SMCO4: variants seen among roughly 807,000 people sequenced by gnomAD.
SMCO4 encodes single-pass membrane protein with coiled-coil domains 4.
SMCO4 carries 4 observed loss-of-function variants against 3.6 expected under a neutral mutation model. The ratio of observed to expected loss-of-function variants is 1.11; its 90% confidence interval spans 0.54 to 2.53. The LOEUF (loss-of-function observed/expected upper bound fraction) is 2.53, where lower values mean the gene tolerates loss of function less well. Ranked by LOEUF, SMCO4 falls within the 30% of genes most tolerant of loss-of-function variation. The pLI is 0.02. For synonymous variants in SMCO4, 36 were observed against 35.3 expected (o/e 1.02, Z -0.07); for missense variants, 70 against 80.8 (o/e 0.87, Z 0.51).
chr11:93,533,190 C>A (rs1264572609), intron 1 of SMCO4, among the ~76,000 whole-genome samples: 1 of 152,214 alleles, frequency 6.6e-6, no homozygotes, highest in Non-Finnish European at 1.5e-5. Flanking sequence ...GCAGGAAAAA[C>A]TAACGACATA....
chr11:93,528,140 G>A (rs1487743666), intron 1 of SMCO4, among the ~76,000 whole-genome samples: 4 of 152,042 alleles, frequency 2.6e-5, no homozygotes, highest in Non-Finnish European at 5.9e-5. Flanking sequence ...CCTATAATAT[G>A]AAAATCCAGA....
intron 1 of SMCO4, among the ~76,000 whole-genome samples, chr11:93,516,754 C>T (rs907083685): frequency 6.6e-6 from 1 of 151,602 alleles, no homozygotes; most frequent in Non-Finnish European, 1.5e-5. Flanking sequence ...CGTGCCATTG[C>T]ACTCCAGCCT....
chr11:93,479,312 G>A, intron 2 of SMCO4, 43 bp from the exon 3 acceptor site: 1 of 1,422,448 alleles, frequency 7.0e-7, no homozygotes, highest in Non-Finnish European at 9.2e-7. Flanking sequence ...AAACCAAATA[G>A]AAGAAAAAAT....
At chr11:93,494,540 G>A (rs936126363) in intron 2 of SMCO4, among the ~76,000 whole-genome samples, 2 of 152,168 alleles carry the variant, frequency 1.3e-5, no homozygotes, top group Non-Finnish European at 2.9e-5. Context: ...TGCTCAGCAG[G>A]CACCTGGAAT....
chr11:93,490,613 G>T (rs531187793), intron 2 of SMCO4, among the ~76,000 whole-genome samples: 1 of 152,368 alleles, frequency 6.6e-6, no homozygotes, highest in South Asian at 2.1e-4. Flanking sequence ...AGTCAAGGCT[G>T]CCTCTCGCAG....
chr11:93,488,316 C>G (rs547845237), intron 2 of SMCO4, among the ~76,000 whole-genome samples: 1 of 152,280 alleles, frequency 6.6e-6, no homozygotes, highest in African/African-American at 2.4e-5. Context: ...GAGGGAGCAG[C>G]AGAGGGCAAG....
At chr11:93,498,350 A>C (rs1188013248) in intron 2 of SMCO4, among the ~76,000 whole-genome samples, 3 of 152,238 alleles carry the variant, frequency 2.0e-5, no homozygotes, top group Non-Finnish European at 4.4e-5. Flanking sequence ...AGGTGGGTTA[A>C]GACACAAAGT....
chr11:93,553,857 A>G, the SMCO4 span, among the ~76,000 whole-genome samples: 1 of 152,214 alleles, frequency 6.6e-6, no homozygotes, highest in African/African-American at 2.4e-5. Flanking sequence ...CAAGCCTCCT[A>G]GCCTTACCTT....
At chr11:93,496,232 G>A (rs910668282) in intron 2 of SMCO4, among the ~76,000 whole-genome samples, 1 of 152,174 alleles carries the variant, frequency 6.6e-6, no homozygotes, top group South Asian at 2.1e-4. Flanking sequence ...GGCAAAGGAC[G>A]ATGTTGGCTT....
Position 93,479,051 on chromosome 11 carries a change from C to A in SMCO4, c.139G>T (p.Val47Leu). The A allele has an allele frequency of 6.2e-7, 1 of 1,613,522 alleles. No homozygotes were observed. The highest frequency in any genetic ancestry group is 8.5e-7 in the Non-Finnish European group (1 of 1,179,910). ...TLAVVVLLIV[V>L]FVYVATRPTI... ...GGGCGCGTGGCCACGTACACAAACA[C>A]CACGATCAAGAGCACGACCACGGCC... Residue 47 changes from valine (V) to leucine (L), a missense_variant, in exon 3 of 3, where the codon GTG (valine) becomes TTG (leucine). Val to Leu is a conservative substitution (Grantham distance 32, BLOSUM62 1). Transcript: ENST00000298966.
intron 2 of SMCO4, among the ~76,000 whole-genome samples, chr11:93,487,072 G>A (rs1948658907): frequency 6.6e-6 from 1 of 152,170 alleles, no homozygotes; most frequent in African/African-American, 2.4e-5. Context: ...TATGCTTTAT[G>A]CTATAAGCCC....
At chr11:93,535,660 A>G in intron 1 of SMCO4, 2 of 1,607,904 alleles carry the variant, frequency 1.2e-6, no homozygotes, top group South Asian at 1.1e-5. Flanking sequence ...CGATGGGAAA[A>G]AGAAGATCAG....
intron 1 of SMCO4, among the ~76,000 whole-genome samples, chr11:93,512,521 AT>A (rs1293458169): frequency 1.3e-5 from 2 of 152,132 alleles, no homozygotes; most frequent in Non-Finnish European, 2.9e-5. Flanking sequence ...ACAGGTATAT[AT>A]TTTTCAAATC....
chr11:93,534,750 G>A lies in SMCO4; in HGVS notation c.-154+8526C>T, dbSNP rs189960860. ...GTGGTCCAGTAAGCCAGGGCTTTCC[G>A]AAGCCCACTGTGTCCACTGGACAGC... On this transcript the variant is annotated intron_variant, in intron 1 of 2. Coordinates refer to ENST00000298966, the MANE Select transcript of SMCO4 (RefSeq NM_020179.3). Among the ~76,000 whole-genome samples, 135 of 152,134 alleles carry A rather than the reference G, an allele frequency of 8.9e-4. 2 individuals carry two copies. The highest frequency in any genetic ancestry group is 2.7e-3 in the South Asian group (13 of 4,816).
At chr11:93,535,650 C>T (rs952991332) in intron 1 of SMCO4, 23 of 1,602,196 alleles carry the variant, frequency 1.4e-5, no homozygotes, top group African/African-American at 4.0e-5. Context: ...TAAGAGCTAC[C>T]GATGGGAAAA....
At chr11:93,552,854 T>C in the SMCO4 span, among the ~76,000 whole-genome samples, 1 of 152,168 alleles carries the variant, frequency 6.6e-6, no homozygotes, top group African/African-American at 2.4e-5. Flanking sequence ...TTTGTAATAG[T>C]GCCTCAAATT....
At chr11:93,521,093 C>T (rs890939173) in intron 1 of SMCO4, among the ~76,000 whole-genome samples, 1 of 152,246 alleles carries the variant, frequency 6.6e-6, no homozygotes, top group African/African-American at 2.4e-5. Flanking sequence ...TCAGATTCCA[C>T]ATGCAGCCAT....
At position 93,478,513 on chromosome 11, in the gene SMCO4, A is replaced by G. The variant is rs1313315982; in HGVS notation, c.*497T>C. ...CCTTTATTCAAAAAATAAATATTTCACTTTGATTCAACATATTTCAAATCA... is the reference window on the plus strand; with the variant it reads ...CCTTTATTCAAAAAATAAATATTTCGCTTTGATTCAACATATTTCAAATCA... On this transcript the variant is annotated 3_prime_UTR_variant, in exon 3 of 3. Transcript: ENST00000298966. The G allele has an allele frequency of 6.6e-6, 1 of 152,568 alleles. No individual in the cohort carries two copies. The highest frequency in any genetic ancestry group is 2.4e-5 in the African/African-American group (1 of 41,456). The allele number at this position is 152,568 out of a possible 1,614,324, so 9.5% of individuals were successfully genotyped here.
chr11:93,534,581 A>ATAGC (rs1382132981), intron 1 of SMCO4, among the ~76,000 whole-genome samples: 1 of 152,200 alleles, frequency 6.6e-6, no homozygotes, highest in African/African-American at 2.4e-5. Context: ...GGGAGATAAA[A>ATAGC]TAGCTGCTCA....
Sources: gnomAD v4.1 joint callset for allele counts (sites outside exome capture counted in the v4.1 genomes callset) on GRCh38, gnomAD v4.1.1 for gene constraint, MANE v1.5 for transcripts, NCBI Gene and HGNC (gene_info 2026-07-23, HGNC 2026-07-21) for gene names.